Variants in NTM observed in about 807,000 individuals in gnomAD.
NTM encodes the protein IgLON family member 2.
In NTM, 13 loss-of-function variants were observed where a neutral mutation model predicts 42.1. The ratio of observed to expected loss-of-function variants is 0.31; its 90% CI spans 0.20 to 0.49. NTM has a LOEUF of 0.49. NTM is among the 20% of genes least tolerant of loss of function. The pLI is 0.99. For missense variants in NTM, 373 were observed against 452.8 expected (o/e 0.82, Z 1.60); for synonymous variants, 187 against 179.2 (o/e 1.04, Z -0.35).
rs181261901 is a variant in NTM at position 131,528,078 on chromosome 11, C to A, written c.82+157190C>A. ...AATGTTCCAAATTTTTTTAAAAAAT[C>A]TAAAACCTGGAAGACTTCTGGTCCC... On this transcript the variant is annotated intron_variant, in intron 1 of 8. Transcript: ENST00000683400. Among the ~76,000 whole-genome samples, 120 of 152,276 alleles carry A rather than the reference C, an allele frequency of 7.9e-4. No individual in the cohort carries two copies. The East Asian group carries it at 0.02, about 26-fold the overall frequency.
At chr11:131,946,559 T>C (rs2060365914) in intron 2 of NTM, among the ~76,000 whole-genome samples, 1 of 152,222 alleles carries the variant, frequency 6.6e-6, no homozygotes, top group African/African-American at 2.4e-5. Context: ...AGAAATAGAA[T>C]GGAAAAGTTT....
At chr11:131,890,243 C>G (rs2051106939) in intron 1 of NTM, among the ~76,000 whole-genome samples, 1 of 152,086 alleles carries the variant, frequency 6.6e-6, no homozygotes, top group Non-Finnish European at 1.5e-5. Flanking sequence ...AGAGACTTCC[C>G]CTCTTTGTAG....
intron 1 of NTM, among the ~76,000 whole-genome samples, chr11:131,893,427 A>G (rs1592634070): frequency 6.6e-6 from 1 of 152,126 alleles, no homozygotes. Context: ...AGAATAGTGA[A>G]AGCATTAAAC....
In NTM at chr11:132,327,814, TCTCC is replaced by T. The variant is rs57602937; in HGVS notation, c.935-2324_935-2321del. Reference sequence around the variant, plus strand: ...TCCTCTCTCCCTTTCTTCCTTCCTGTCTCCCTCCCTCCCTCCCTTCCTTCCTTCC... The same window carrying T: ...TCCTCTCTCCCTTTCTTCCTTCCTGTCTCCCTCCCTCCCTTCCTTCCTTCC... On this transcript the variant is annotated intron_variant, in intron 7 of 8. Coordinates refer to ENST00000683400, the MANE Select transcript of NTM (RefSeq NM_001352005.2). 6.4e-3 allele frequency among the ~76,000 whole-genome samples: 962 copies of T among 151,278 alleles called. 6 individuals are homozygous for T. The highest frequency in any genetic ancestry group is 0.016 in the African/African-American group (661 of 40,848).
intron 4 of NTM, among the ~76,000 whole-genome samples, chr11:132,307,378 G>C (rs1354376664): frequency 6.6e-6 from 1 of 152,090 alleles, no homozygotes; most frequent in Non-Finnish European, 1.5e-5. Context: ...ACGACGGCTT[G>C]GTAAGATACA....
At chr11:131,923,292 A>G (rs1489119267) in intron 2 of NTM, among the ~76,000 whole-genome samples, 1 of 152,252 alleles carries the variant, frequency 6.6e-6, no homozygotes, top group Non-Finnish European at 1.5e-5. Flanking sequence ...TAGTGATTAC[A>G]TTACTGCCTG....
At chr11:131,423,466 A>T (rs184140994) in intron 1 of NTM, among the ~76,000 whole-genome samples, 1 of 152,318 alleles carries the variant, frequency 6.6e-6, no homozygotes, top group Admixed American at 6.5e-5. Flanking sequence ...AATAAGGCTG[A>T]TGTCGTTAAA....
At chr11:131,977,197 G>A (rs777965529) in intron 2 of NTM, among the ~76,000 whole-genome samples, 1 of 152,006 alleles carries the variant, frequency 6.6e-6, no homozygotes, top group Non-Finnish European at 1.5e-5. Flanking sequence ...TAAAGTTGGG[G>A]AATGGTAAGA....
Position 131,914,998 on chromosome 11 carries a change from G to A in NTM, c.167+3350G>A, listed in dbSNP as rs553149447. Among the ~76,000 whole-genome samples, 114 of 152,266 alleles carry A rather than the reference G, an allele frequency of 7.5e-4. 1 individual carries two copies. Among genetic ancestry groups the A allele is most frequent in the African/African-American group, 2.6e-3 (107 of 41,550 alleles). ...TGCTTTGATGAAGGTGGCACAGCTA[G>A]GAAGCTTTGAAGCCAGGCTATGAAG... On this transcript the variant is annotated intron_variant, in intron 2 of 8. Coordinates refer to ENST00000683400, the MANE Select transcript of NTM (RefSeq NM_001352005.2).
chr11:132,053,399 T>C (rs1024732857), intron 2 of NTM, among the ~76,000 whole-genome samples: 2 of 152,166 alleles, frequency 1.3e-5, no homozygotes, highest in Non-Finnish European at 2.9e-5. Context: ...TCTGGTCTTG[T>C]TAATTCTCAC....
chr11:131,811,810 T>C (rs1006032691), intron 1 of NTM, among the ~76,000 whole-genome samples: 2 of 152,196 alleles, frequency 1.3e-5, no homozygotes, highest in African/African-American at 4.8e-5. Flanking sequence ...CTTGTCCTAG[T>C]GTTGGAATAT....
chr11:131,396,418 G>A (rs1027098250), intron 1 of NTM, among the ~76,000 whole-genome samples: 1 of 152,050 alleles, frequency 6.6e-6, no homozygotes, highest in African/African-American at 2.4e-5. Context: ...CTTCATCCCC[G>A]TGGATGTGTA....
intron 1 of NTM, among the ~76,000 whole-genome samples, chr11:131,700,068 G>A (rs941599691): frequency 1.3e-5 from 2 of 152,076 alleles, no homozygotes; most frequent in Non-Finnish European, 2.9e-5. Flanking sequence ...GGGAAATTAT[G>A]CATGTATAGT....
intron 2 of NTM, among the ~76,000 whole-genome samples, chr11:131,992,743 T>G (rs1424019898): frequency 2.0e-5 from 3 of 152,150 alleles, no homozygotes; most frequent in Non-Finnish European, 4.4e-5. Context: ...AGGAAGTCTG[T>G]TTGGTTAGCT....
chr11:131,523,894 T>C (rs1003561654), intron 1 of NTM, among the ~76,000 whole-genome samples: 1 of 149,300 alleles, frequency 6.7e-6, no homozygotes, highest in African/African-American at 2.5e-5. Context: ...AATAGAGAAA[T>C]GGGGTGGGTG....
At chr11:132,000,429 T>C (rs1390681455) in intron 2 of NTM, among the ~76,000 whole-genome samples, 1 of 152,214 alleles carries the variant, frequency 6.6e-6, no homozygotes, top group Non-Finnish European at 1.5e-5. Flanking sequence ...GAGGAGGTTG[T>C]TTCAGTTTAT....
At chr11:132,332,585 T>A (rs1734406515) in intron 8 of NTM, 1 of 152,118 alleles carries the variant, frequency 6.6e-6, no homozygotes, top group Non-Finnish European at 1.5e-5. Context: ...ATGGAGCAGA[T>A]CCACAAAAGA....
At chr11:131,553,125 A>G (rs986486391) in intron 1 of NTM, among the ~76,000 whole-genome samples, 1 of 152,152 alleles carries the variant, frequency 6.6e-6, no homozygotes, top group Non-Finnish European at 1.5e-5. Context: ...AAGTGAGCAC[A>G]GGAGTTATGC....
intron 1 of NTM, among the ~76,000 whole-genome samples, chr11:131,789,545 GAA>G (rs71067335): frequency 0.018 from 91 of 5,116 alleles, 22 homozygotes; most frequent in Admixed American, 0.023. Flanking sequence ...AGAAGAAGAA[GAA>G]AAGAAGAAGA....
Sources: allele counts gnomAD v4.1 joint callset (sites outside exome capture counted in the v4.1 genomes callset), GRCh38; gene constraint gnomAD v4.1.1; transcripts MANE v1.5; gene names NCBI Gene and HGNC (gene_info 2026-07-23, HGNC 2026-07-21).